The following MAPK9 variants were observed in gnomAD, a reference collection of about 807,000 sequenced individuals.
MAPK9 encodes the protein Jun kinase.
MAPK9 carries 30 observed loss-of-function variants against 57.1 expected under a neutral mutation model. That is an observed-to-expected ratio of 0.53 (90% CI 0.39 to 0.71). MAPK9 has a LOEUF of 0.71. Ranked by LOEUF, MAPK9 falls within the 30% of genes least tolerant of loss-of-function variation. The pLI, the probability that MAPK9 is intolerant of heterozygous loss-of-function variation, is 0.00. For synonymous variants in MAPK9, 155 were observed against 177.0 expected, an observed-to-expected ratio of 0.88 and a Z score of 0.99; for missense variants, 362 against 521.0, an observed-to-expected ratio of 0.69 and a Z score of 2.97.
chr5:180,238,608 CT>C (rs746336177), intron 10 of MAPK9, among the ~76,000 whole-genome samples: 1,639 of 85,136 alleles, frequency 0.019, 11 homozygotes, highest in South Asian at 0.058. Context: ...TCTTCTTCTT[CT>C]TTTTTTTTTT....
intron 5 of MAPK9, chr5:180,253,582 G>A (rs925733140): frequency 6.6e-6 from 1 of 152,236 alleles, no homozygotes; most frequent in African/African-American, 2.4e-5. Context: ...TCCCAGAAGT[G>A]AGGCTCCACT....
At chr5:180,289,810 A>T (rs979388049) in intron 1 of MAPK9, among the ~76,000 whole-genome samples, 2 of 152,204 alleles carry the variant, frequency 1.3e-5, no homozygotes, top group African/African-American at 2.4e-5. Context: ...TTAAAAAAAA[A>T]TTTAATTAGC....
Position 180,279,860 on chromosome 5 carries a change from G to A in MAPK9, c.122+580C>T, listed in dbSNP as rs753322856. 3.5e-5 allele frequency: 16 copies of A among 456,634 alleles called. 1 individual carries two copies. The highest frequency in any genetic ancestry group is 2.5e-4 in the South Asian group (16 of 64,568). The allele number at this position is 456,634 out of a possible 1,614,324, so 28.3% of individuals were successfully genotyped here. The stretch of plus-strand genomic sequence containing the variant: ...ACCATGCAAGAGACTAACGTTCAGG[G>A]TCAGACTAACGATTCTGACGTTCTG... On this transcript the variant is annotated intron_variant, in intron 2 of 11. Transcript: ENST00000452135.
intron 1 of MAPK9, among the ~76,000 whole-genome samples, chr5:180,282,564 A>T (rs1762400085): frequency 6.6e-6 from 1 of 152,260 alleles, no homozygotes. Context: ...CTCTTTTGCC[A>T]GAGATGGACA....
intron 1 of MAPK9, among the ~76,000 whole-genome samples, chr5:180,281,490 C>A (rs573995966): frequency 6.6e-6 from 1 of 152,318 alleles, no homozygotes; most frequent in South Asian, 2.1e-4. Flanking sequence ...ATTTAAAAGT[C>A]AGCAAGCTAT....
rs1020125850 is a variant in MAPK9, at chr5:180,280,471, G to A, written c.91C>T (p.Pro31Ser). The change falls in exon 2 of 12, where the codon CCA becomes TCA. Residue 31 changes from proline (P) to serine (S), a missense_variant. This residue lies in a region of MAPK9 where 36 missense variants were observed against 38.0 expected (regional missense o/e 0.95). Coordinates refer to ENST00000452135, the MANE Select transcript of MAPK9 (RefSeq NM_002752.5). Reference protein sequence around the residue: ...TVLKRYQQLKPIGSGAQGIVC... With the variant: ...TVLKRYQQLKSIGSGAQGIVC... ...ATCCCTTGGGCCCCAGAGCCAATTG[G>A]TTTCAGCTGCTGGTAACGTTTTAGG... The A allele has an allele frequency of 4.3e-6, 7 of 1,613,992 alleles. No homozygotes were observed. Among genetic ancestry groups the A allele is most frequent in the African/African-American group, 1.3e-5 (1 of 74,890 alleles).
chr5:180,248,026 GCGGGAGCCTCTGTGCGTTGTTGATAC>G, intron 6 of MAPK9: 1 of 1,124,172 alleles, frequency 8.9e-7, no homozygotes. Context: ...TAGCTTGCCG[GCGGGAGCCTCTGTGCGTTGTTGATAC>G]CACACCTCCT....
At chr5:180,271,023 T>C (rs1361581084) in intron 2 of MAPK9, among the ~76,000 whole-genome samples, 1 of 152,130 alleles carries the variant, frequency 6.6e-6, no homozygotes, top group African/African-American at 2.4e-5. Flanking sequence ...TGTATTGTAT[T>C]CTTGAAAATT....
chr5:180,263,577 T>C (rs1174320791), intron 4 of MAPK9, among the ~76,000 whole-genome samples: 1 of 152,090 alleles, frequency 6.6e-6, no homozygotes, highest in Non-Finnish European at 1.5e-5. Context: ...CCCTGCTCCC[T>C]CATCTCTAGC....
chr5:180,275,695 A>G (rs1344492367), intron 2 of MAPK9, among the ~76,000 whole-genome samples: 2 of 152,216 alleles, frequency 1.3e-5, no homozygotes, highest in African/African-American at 4.8e-5. Context: ...TGTTGGCAGA[A>G]AACTGGCACA....
At position 180,248,974 on chromosome 5, in the gene MAPK9, G is replaced by A. The variant is rs148621568; in HGVS notation, c.615C>T (p.Asn205=). ...TCTTCCAGCCCCGGCTATACTCACC[G>A]TTCTCTTTGTAGCCCATACCCAGGA... ...EVILGMGYKE[N]VDIWSVGCIM... is the part of the protein sequence containing the mutation. The change falls in exon 6 of 12, where the codon AAC becomes AAT. Residue 205 remains asparagine, a splice_region_variant and synonymous_variant. Coordinates refer to ENST00000452135, the MANE Select transcript of MAPK9 (RefSeq NM_002752.5). 474 of 1,605,256 alleles carry A rather than the reference G, an allele frequency of 3.0e-4. 1 individual carries two copies. The highest frequency in any genetic ancestry group is 3.9e-4 in the Non-Finnish European group (454 of 1,175,682).
intron 5 of MAPK9, among the ~76,000 whole-genome samples, chr5:180,258,957 C>A (rs1214269049): frequency 6.6e-6 from 1 of 151,308 alleles, no homozygotes; most frequent in Admixed American, 6.6e-5. Context: ...CTGCTTGAAC[C>A]TGGGAGGTGG....
At chr5:180,245,380 C>A (rs1758004709) in intron 7 of MAPK9, among the ~76,000 whole-genome samples, 1 of 152,186 alleles carries the variant, frequency 6.6e-6, no homozygotes, top group Admixed American at 6.5e-5. Context: ...GACGATCCAC[C>A]CTCAATTCAG....
chr5:180,274,467 C>T (rs2127613829), intron 2 of MAPK9, among the ~76,000 whole-genome samples: 1 of 152,298 alleles, frequency 6.6e-6, no homozygotes, highest in East Asian at 1.9e-4. Flanking sequence ...GCCACTGCTG[C>T]CTTGAAGATG....
At chr5:180,276,675 G>A (rs1327963737) in intron 2 of MAPK9, among the ~76,000 whole-genome samples, 2 of 152,130 alleles carry the variant, frequency 1.3e-5, no homozygotes, top group Non-Finnish European at 2.9e-5. Context: ...CCAACATGGT[G>A]AAACCCCATC....
intron 4 of MAPK9, among the ~76,000 whole-genome samples, chr5:180,264,533 C>A (rs1206354289): frequency 1.3e-5 from 2 of 152,162 alleles, no homozygotes; most frequent in East Asian, 1.9e-4. Context: ...CATTAGTGAT[C>A]CTGGTCTGCT....
At chr5:180,280,064 T>TA (rs1360657557) in intron 2 of MAPK9, 3 of 453,500 alleles carry the variant, frequency 6.6e-6, no homozygotes, top group Non-Finnish European at 1.3e-5. Flanking sequence ...TGATCGGGAA[T>TA]AAAAGGGGAG....
chr5:180,267,692 C>T (rs1760773110), intron 3 of MAPK9, among the ~76,000 whole-genome samples: 3 of 151,934 alleles, frequency 2.0e-5, no homozygotes, highest in Admixed American at 6.6e-5. Context: ...TGGTAAGACC[C>T]CACCTCTACA....
intron 5 of MAPK9, among the ~76,000 whole-genome samples, chr5:180,253,963 C>CTTTTT (rs5873681): frequency 0.013 from 1,415 of 109,194 alleles, 18 homozygotes; most frequent in East Asian, 0.029. Flanking sequence ...GCTTCAATCT[C>CTTTTT]TTTTTTTTTT....
Sources: gnomAD v4.1 joint callset for allele counts (sites outside exome capture counted in the v4.1 genomes callset) on GRCh38, gnomAD v4.1.1 for gene constraint, gnomAD v4.1.1 regional missense constraint, MANE v1.5 for transcripts, NCBI Gene and HGNC (gene_info 2026-07-23, HGNC 2026-07-21) for gene names.